Variants in ZNF723 observed in about 807,000 individuals in gnomAD.
ZNF723 encodes zinc finger protein 723, also known as zinc finger protein 723, pseudogene.
ZNF723 carries 5 observed loss-of-function variants against 9.4 expected under a neutral mutation model. The observed-to-expected ratio is 0.53, with a 90% CI of 0.28 to 1.12. The LOEUF is 1.12. Ranked by LOEUF, ZNF723 falls within the 50% of genes most tolerant of loss-of-function variation. The pLI is 0.10. For missense variants in ZNF723, 450 were observed against 501.5 expected, an observed-to-expected ratio of 0.90 and a Z score of 0.98; for synonymous variants, 158 against 168.8, an observed-to-expected ratio of 0.94 and a Z score of 0.49.
chr19:22,820,035 G>A, the ZNF723 span, among the ~76,000 whole-genome samples: 1 of 152,136 alleles, frequency 6.6e-6, no homozygotes, highest in South Asian at 2.1e-4. Flanking sequence ...AGGGGGGATT[G>A]TAACATATCA....
chr19:22,854,373 T>A (rs1179468320), intron 3 of ZNF723, among the ~76,000 whole-genome samples: 1 of 152,162 alleles, frequency 6.6e-6, no homozygotes, highest in Non-Finnish European at 1.5e-5. Flanking sequence ...CCACTTTCTG[T>A]CTTTTTTTAT....
chr19:22,824,428 T>G, the ZNF723 span, among the ~76,000 whole-genome samples: 1 of 151,952 alleles, frequency 6.6e-6, no homozygotes, highest in East Asian at 1.9e-4. Context: ...TAGCTACAGG[T>G]GGGATTGTGA....
chr19:22,854,116 C>T (rs1967436908), intron 3 of ZNF723, among the ~76,000 whole-genome samples: 2 of 151,916 alleles, frequency 1.3e-5, no homozygotes, highest in African/African-American at 4.8e-5. Context: ...TTAATTCTGT[C>T]AATATTTGCT....
At chr19:22,842,226 A>G (rs1318611483) in intron 1 of ZNF723, among the ~76,000 whole-genome samples, 1 of 152,158 alleles carries the variant, frequency 6.6e-6, no homozygotes, top group African/African-American at 2.4e-5. Context: ...GCTGGTGTTG[A>G]ACTCTTGACC....
chr19:22,821,323 A>C, the ZNF723 span, among the ~76,000 whole-genome samples: 1 of 152,090 alleles, frequency 6.6e-6, no homozygotes, highest in Non-Finnish European at 1.5e-5. Flanking sequence ...TGCCTGGTGC[A>C]AGCATCTAAG....
At chr19:22,827,732 G>A (rs1048177673), upstream of ZNF723, among the ~76,000 whole-genome samples, 4 of 151,948 alleles carry the variant, frequency 2.6e-5, no homozygotes, top group Admixed American at 6.6e-5. Flanking sequence ...ACAGGCCACC[G>A]TGCCTGGCCT....
At chr19:22,856,386 G>A (rs763918980) in intron 3 of ZNF723, among the ~76,000 whole-genome samples, 4 of 151,758 alleles carry the variant, frequency 2.6e-5, no homozygotes, top group Non-Finnish European at 2.9e-5. Context: ...CATTTCACTC[G>A]TTGAGTATTA....
At chr19:22,821,038 C>T in the ZNF723 span, among the ~76,000 whole-genome samples, 5 of 152,198 alleles carry the variant, frequency 3.3e-5, no homozygotes, top group Non-Finnish European at 7.3e-5. Context: ...TTCAGCACAG[C>T]TGTGAGGCTG....
the ZNF723 span, among the ~76,000 whole-genome samples, chr19:22,819,402 G>A: frequency 6.6e-6 from 1 of 152,180 alleles, no homozygotes; most frequent in Non-Finnish European, 1.5e-5. Context: ...CCAGCACATA[G>A]GTGATGTAAT....
In ZNF723 at chr19:22,832,383, G is replaced by C; in HGVS notation, c.3+1G>C. ...AGGACTCCCTGGAAGCCTAGAAATG[G>C]TGAGAGTACCGGGTCCGACATCCCG... On this transcript the variant is annotated splice_donor_variant, in intron 1 of 3. Coordinates refer to ENST00000600766, the MANE Select transcript of ZNF723 (RefSeq NM_001349726.2). LOFTEE classifies it high-confidence loss of function. The C allele has an allele frequency of 7.2e-7, 1 of 1,385,084 alleles. No individual in the cohort carries two copies. Among genetic ancestry groups the C allele is most frequent in the East Asian group, 2.6e-5 (1 of 38,508 alleles). 85.8% of individuals were successfully genotyped at this position (1,385,084 alleles called of 1,614,324 possible). A position where few individuals can be genotyped will look rare whatever the true frequency, so the allele number is the denominator to read the frequency against.
intron 3 of ZNF723, among the ~76,000 whole-genome samples, chr19:22,850,032 T>C (rs370250212): frequency 6.6e-6 from 1 of 152,190 alleles, no homozygotes; most frequent in African/African-American, 2.4e-5. Context: ...TTTTTCTGCA[T>C]AATTCATCCT....
rs559174786 is a variant in ZNF723, at chr19:22,848,296, T to C, written c.39T>C (p.Phe13=). The change falls in exon 2 of 4, where the codon TTT becomes TTC. Residue 13 remains phenylalanine (F), a synonymous_variant. Coordinates refer to ENST00000600766, the MANE Select transcript of ZNF723 (RefSeq NM_001349726.2). ...PLTFTDVAIK[F]SLEEWQFLDT... is the part of the protein sequence containing the mutation. Reference sequence around the variant, plus strand: ...CATTCACAGATGTGGCAATAAAATTTTCTCTGGAGGAGTGGCAATTCCTGG... The same window carrying C: ...CATTCACAGATGTGGCAATAAAATTCTCTCTGGAGGAGTGGCAATTCCTGG... The C allele has an allele frequency of 7.7e-7, 1 of 1,294,858 alleles. No individual in the cohort carries two copies. The highest frequency in any genetic ancestry group is 1.3e-5 in the South Asian group (1 of 79,108). The allele number at this position is 1,294,858 out of a possible 1,614,324, so 80.2% of individuals were successfully genotyped here.
intron 3 of ZNF723, 49 bp downstream of exon 3, chr19:22,849,342 G>A (rs1356947210): frequency 1.4e-5 from 7 of 502,048 alleles, no homozygotes; most frequent in Non-Finnish European, 2.6e-5. Context: ...ACGTCCAAAG[G>A]TCAAGGAGAA....
the ZNF723 span, among the ~76,000 whole-genome samples, chr19:22,823,545 C>T: frequency 6.6e-6 from 1 of 152,242 alleles, no homozygotes; most frequent in African/African-American, 2.4e-5. Context: ...ACCAAACACT[C>T]AGAAGATCTT....
At chr19:22,815,936 A>G in the ZNF723 span, among the ~76,000 whole-genome samples, 1 of 152,254 alleles carries the variant, frequency 6.6e-6, no homozygotes, top group Non-Finnish European at 1.5e-5. Flanking sequence ...ACGTTGACAC[A>G]GCCCACAGTT....
chr19:22,831,214 A>G (rs1379367858), upstream of ZNF723, among the ~76,000 whole-genome samples: 1 of 152,110 alleles, frequency 6.6e-6, no homozygotes, highest in African/African-American at 2.4e-5. Flanking sequence ...ACAGTGTGCT[A>G]GTTTGGTGAA....
At chr19:22,851,016 T>C (rs1477511528) in intron 3 of ZNF723, among the ~76,000 whole-genome samples, 2 of 152,070 alleles carry the variant, frequency 1.3e-5, no homozygotes. Flanking sequence ...TTATAAATAT[T>C]ATCTTGTGTA....
At position 22,858,245 on chromosome 19, in the gene ZNF723, C is replaced by A; in HGVS notation, c.1354C>A (p.Pro452Thr). Residue 452 changes from proline to threonine, a missense_variant, in exon 4 of 4, where the codon CCC becomes ACC. Pro to Thr is a conservative substitution (Grantham distance 38). Transcript: ENST00000600766. ...TAAGATAATTCATACTAAAGAGAAA[C>A]CCTACAAATGTGAAGAATGTGGCAA... Reference protein sequence around the residue: ...KHKIIHTKEKPYKCEECGKAF... With the variant: ...KHKIIHTKEKTYKCEECGKAF... The A allele has an allele frequency of 7.4e-7, 1 of 1,346,880 alleles. No individual in the cohort carries two copies. Among genetic ancestry groups the A allele is most frequent in the Non-Finnish European group, 1.1e-6 (1 of 939,476 alleles). The allele number at this position is 1,346,880 out of a possible 1,614,324, so 83.4% of individuals were successfully genotyped here.
chr19:22,831,920 T>TA (rs1967102325), upstream of ZNF723, among the ~76,000 whole-genome samples: 1 of 148,862 alleles, frequency 6.7e-6, no homozygotes, highest in Admixed American at 6.7e-5. Context: ...AAAAAAAAAA[T>TA]AATAAATAAA....
Sources: gnomAD v4.1 joint callset for allele counts (sites outside exome capture counted in the v4.1 genomes callset) on GRCh38, gnomAD v4.1.1 for gene constraint, MANE v1.5 for transcripts, NCBI Gene and HGNC (gene_info 2026-07-23, HGNC 2026-07-21) for gene names.